Variants in ANKS6 observed in about 807,000 individuals in gnomAD.
ANKS6 encodes the protein ankyrin repeat and SAM domain-containing protein 6.
In ANKS6, 47 loss-of-function variants were observed where a neutral mutation model predicts 77.9. The ratio of observed to expected loss-of-function variants is 0.60; its 90% CI spans 0.48 to 0.77. The LOEUF (loss-of-function observed/expected upper bound fraction) is 0.77. Among genes scored for constraint, ANKS6 ranks in the 30% least tolerant of loss-of-function variants. The pLI is 0.00. For missense variants in ANKS6, 1,150 were observed against 1,159.1 expected (o/e 0.99, Z 0.11); for synonymous variants, 488 against 501.7 (o/e 0.97, Z 0.37).
intron 4 of ANKS6, among the ~76,000 whole-genome samples, chr9:98,783,123 G>A (rs1834368988): frequency 6.7e-6 from 1 of 150,358 alleles, no homozygotes; most frequent in East Asian, 2.0e-4. Context: ...GGAAAAGGAA[G>A]GGGAGGGGAG....
intron 9 of ANKS6, among the ~76,000 whole-genome samples, chr9:98,771,596 T>C (rs1334663347): frequency 6.6e-6 from 1 of 152,222 alleles, no homozygotes; most frequent in African/African-American, 2.4e-5. Context: ...CTGCTTCGCT[T>C]GCTCTGCTCC....
intron 11 of ANKS6, among the ~76,000 whole-genome samples, chr9:98,764,083 G>A (rs1038496794): frequency 3.9e-5 from 6 of 152,226 alleles, no homozygotes; most frequent in Middle Eastern, 3.4e-3. Context: ...GTATCTTCTA[G>A]AAAACTAGAA....
At chr9:98,748,277 C>T (rs1320789980) in intron 13 of ANKS6, among the ~76,000 whole-genome samples, 2 of 152,186 alleles carry the variant, frequency 1.3e-5, no homozygotes, top group Admixed American at 6.5e-5. Context: ...GATGCCAAAC[C>T]CTCAGGGCTT....
rs1457202312 is a variant in ANKS6 at position 98,733,867 on chromosome 9, T to C, written c.*2652A>G. The C allele has an allele frequency of 1.1e-5, 11 of 985,192 alleles. No homozygotes were observed. Among genetic ancestry groups the C allele is most frequent in the Non-Finnish European group, 1.3e-5 (11 of 829,912 alleles). The allele number at this position is 985,192 out of a possible 1,614,324, so 61.0% of individuals were successfully genotyped here. On this transcript the variant is annotated 3_prime_UTR_variant, in exon 15 of 15. Coordinates refer to ENST00000353234, the MANE Select transcript of ANKS6 (RefSeq NM_173551.5). ...TGAAAAACCTATTATCCTGTGGAAC[T>C]AGGGTTCCCAGGAGCATACTTTTGG...
intron 14 of ANKS6, among the ~76,000 whole-genome samples, chr9:98,743,217 C>T (rs1389268942): frequency 6.6e-6 from 1 of 152,184 alleles, no homozygotes; most frequent in Non-Finnish European, 1.5e-5. Flanking sequence ...ACACATCTGG[C>T]CTCTGGAGGC....
At chr9:98,789,885 T>C (rs1328198855) in intron 2 of ANKS6, 1 of 577,080 alleles carries the variant, frequency 1.7e-6, no homozygotes, top group African/African-American at 1.9e-5. Flanking sequence ...TCCAGGCTCT[T>C]GCCCAGGGCT....
At chr9:98,760,932 T>C (rs1484810719) in intron 11 of ANKS6, among the ~76,000 whole-genome samples, 3 of 152,226 alleles carry the variant, frequency 2.0e-5, no homozygotes, top group East Asian at 1.9e-4. Context: ...GGTCATATCA[T>C]AAGTGAATGT....
intron 13 of ANKS6, 87 bp from the exon 14 acceptor site, chr9:98,745,762 T>C (rs1588328715): frequency 1.0e-6 from 1 of 972,124 alleles, no homozygotes; most frequent in Non-Finnish European, 1.7e-6. Flanking sequence ...TTATGAGCTA[T>C]GAGTGCTTAT....
chr9:98,736,391 G>C lies in ANKS6; in HGVS notation c.*128C>G. ...CAATGAATGCCGTCGACGTGAAGTG[G>C]GCATCCCGAGCAAAGGGAACAACAT... is the stretch of plus-strand genomic sequence containing the variant. On this transcript the variant is annotated 3_prime_UTR_variant, in exon 15 of 15. Transcript: ENST00000353234. 2 of 1,434,824 alleles carry C rather than the reference G, an allele frequency of 1.4e-6. No homozygotes were observed. Among genetic ancestry groups the C allele is most frequent in the South Asian group, 3.0e-5 (2 of 66,514 alleles). 88.9% of individuals were successfully genotyped at this position (1,434,824 alleles called of 1,614,324 possible). A position where few individuals can be genotyped will look rare whatever the true frequency, so the allele number is the denominator to read the frequency against.
rs1831238500 is a variant in ANKS6 at position 98,732,185 on chromosome 9, C to G, written c.*4334G>C. On this transcript the variant is annotated 3_prime_UTR_variant, in exon 15 of 15. Coordinates refer to ENST00000353234, the MANE Select transcript of ANKS6 (RefSeq NM_173551.5). The stretch of plus-strand genomic sequence containing the variant: ...GCACCTTCATTCTGGCTGCAGAATT[C>G]TCCCAGGAAGGGTCCCGGGCTCTTC... 2.7e-6 allele frequency: 1 copy of G among 365,894 alleles called. No individual in the cohort carries two copies. Among genetic ancestry groups the G allele is most frequent in the African/African-American group, 2.1e-5 (1 of 48,740 alleles). 22.7% of individuals were successfully genotyped at this position (365,894 alleles called of 1,614,324 possible).
chr9:98,789,871 G>T (rs1343401810), intron 2 of ANKS6: 1 of 515,090 alleles, frequency 1.9e-6, no homozygotes, highest in Non-Finnish European at 3.2e-6. Context: ...TTGTTATAGA[G>T]GCTTCCAGGC....
At position 98,735,940 on chromosome 9, in the gene ANKS6, GC is replaced by G; in HGVS notation, c.*578del. The G allele has an allele frequency of 1.6e-6, 2 of 1,230,102 alleles. No homozygotes were observed. Among genetic ancestry groups the G allele is most frequent in the Non-Finnish European group, 2.0e-6 (2 of 987,650 alleles). The allele number at this position is 1,230,102 out of a possible 1,614,324, so 76.2% of individuals were successfully genotyped here. On this transcript the variant is annotated 3_prime_UTR_variant, in exon 15 of 15. Transcript: ENST00000353234. ...TGAGAGGTGACTTGGACTAGGAGGG[GC>G]AAGTTAGAAGTTTTAAGGGAAGATG...
In ANKS6 at chr9:98,735,848, C is replaced by T. The variant is rs1445954609; in HGVS notation, c.*671G>A. On this transcript the variant is annotated 3_prime_UTR_variant, in exon 15 of 15. Coordinates refer to ENST00000353234, the MANE Select transcript of ANKS6 (RefSeq NM_173551.5). ...TGTATGCAGCAGGTGCAGTGGAATG[C>T]TACAGCAGTCACATACACAGCACTA... 3 of 1,231,668 alleles carry T rather than the reference C, an allele frequency of 2.4e-6. No individual in the cohort carries two copies. The highest frequency in any genetic ancestry group is 6.3e-5 in the East Asian group (2 of 31,704). The allele number at this position is 1,231,668 out of a possible 1,614,324, so 76.3% of individuals were successfully genotyped here.
At chr9:98,778,703 T>C (rs753363032) in intron 6 of ANKS6, among the ~76,000 whole-genome samples, 12 of 152,168 alleles carry the variant, frequency 7.9e-5, no homozygotes, top group Non-Finnish European at 1.5e-4. Context: ...AATCTCCTCA[T>C]TGCACAGATT....
chr9:98,791,418 G>A lies in ANKS6; in HGVS notation c.360-812C>T, dbSNP rs1198544628. 1.3e-5 allele frequency among the ~76,000 whole-genome samples: 2 copies of A among 152,174 alleles called. No homozygotes were observed. Among genetic ancestry groups the A allele is most frequent in the African/African-American group, 4.8e-5 (2 of 41,432 alleles). Reference sequence around the variant, plus strand: ...GATCTTCCTCAATGAAGTCACTGCTGGGCCCCTGAAGAGAAAGATCTGCAC... The same window carrying A: ...GATCTTCCTCAATGAAGTCACTGCTAGGCCCCTGAAGAGAAAGATCTGCAC... On this transcript the variant is annotated intron_variant, in intron 1 of 14. Transcript: ENST00000353234. This position sits in a 1 kb window ranked among gnomAD's most constrained non-coding sequence, Gnocchi z 4.3.
chr9:98,771,402 C>T (rs1221543683), intron 9 of ANKS6, among the ~76,000 whole-genome samples: 1 of 152,204 alleles, frequency 6.6e-6, no homozygotes, highest in Non-Finnish European at 1.5e-5. Flanking sequence ...CCCCTCAGCA[C>T]CGCCGGGCAC....
Position 98,784,885 on chromosome 9 carries a change from A to C in ANKS6, c.863-9T>G. The stretch of plus-strand genomic sequence containing the variant: ...TCGCCTTTTCTCCTCATCTGGGTAA[A>C]CAAAGATTTTTAAAGTTAACCACGG... On this transcript the variant is annotated splice_polypyrimidine_tract_variant and intron_variant, in intron 2 of 14. Transcript: ENST00000353234. 6.2e-7 allele frequency: 1 copy of C among 1,612,708 alleles called. No individual in the cohort carries two copies. Among genetic ancestry groups the C allele is most frequent in the Non-Finnish European group, 8.5e-7 (1 of 1,179,524 alleles).
chr9:98,784,190 T>C, intron 3 of ANKS6, 33 bp from the exon 4 acceptor site: 2 of 1,500,524 alleles, frequency 1.3e-6, no homozygotes, highest in South Asian at 2.7e-5. Context: ...GGGTGAACTG[T>C]GGGCCTGGTA....
Position 98,790,116 on chromosome 9 carries a change from T to C in ANKS6, c.850A>G (p.Arg284Gly), listed in dbSNP as rs781241633. ...VDYLDPLTTV[R>G]PKTDEEKRRP... ...CATGCAGCCTGACCTGTTTTGGGCC[T>C]GACGGTGGTCAGCGGGTCCAGGTAG... The change falls in exon 2 of 15, where the codon AGG becomes GGG. Residue 284 changes from arginine to glycine, a missense_variant. Transcript: ENST00000353234. The C allele has an allele frequency of 7.7e-6, 12 of 1,563,588 alleles. No homozygotes were observed. The South Asian group carries it at 1.3e-4, about 17-fold the overall frequency.
Sources: allele counts gnomAD v4.1 joint callset (sites outside exome capture counted in the v4.1 genomes callset), GRCh38; gene constraint gnomAD v4.1.1; non-coding constraint Gnocchi (gnomAD v3.1); transcripts MANE v1.5; gene names NCBI Gene and HGNC (gene_info 2026-07-23, HGNC 2026-07-21).